RBFOX1: variants seen among roughly 807,000 people sequenced by gnomAD.
RBFOX1 encodes the protein RNA binding protein fox-1 homolog 1.
Under a neutral mutation model 57.7 loss-of-function variants are expected in RBFOX1, and 8 were observed. That is an observed-to-expected ratio of 0.14 (90% CI 0.08 to 0.25). The LOEUF is 0.25. Among genes scored for constraint, RBFOX1 ranks in the 10% least tolerant of loss-of-function variants. The probability of loss-of-function intolerance (pLI) is 1.00; values close to 1 mark genes in which losing one functional copy is unlikely to be tolerated. For synonymous variants in RBFOX1, 326 were observed against 222.4 expected, an observed-to-expected ratio of 1.47 and a Z score of -4.15; for missense variants, 611 against 548.5, an observed-to-expected ratio of 1.11 and a Z score of -1.14.
At chr16:6,867,625 A>C (rs1326739420) in intron 3 of RBFOX1, among the ~76,000 whole-genome samples, 1 of 152,148 alleles carries the variant, frequency 6.6e-6, no homozygotes, top group Admixed American at 6.5e-5. Context: ...AGGCTCAGGC[A>C]GCAGGATCGC....
intron 2 of RBFOX1, among the ~76,000 whole-genome samples, chr16:5,517,932 G>T (rs1051258314): frequency 2.8e-5 from 4 of 143,256 alleles, no homozygotes; most frequent in African/African-American, 1.0e-4. Context: ...AAAAGCTACT[G>T]TGTGTGTGTG....
At chr16:5,566,614 G>A (rs2046079140) in intron 2 of RBFOX1, among the ~76,000 whole-genome samples, 1 of 150,328 alleles carries the variant, frequency 6.7e-6, no homozygotes, top group African/African-American at 2.5e-5. Context: ...GTGTATATAT[G>A]TATATGTATG....
chr16:6,277,331 T>C (rs1006650295), intron 1 of RBFOX1, among the ~76,000 whole-genome samples: 4 of 151,014 alleles, frequency 2.6e-5, no homozygotes, highest in African/African-American at 9.8e-5. Context: ...TGTGATGGTG[T>C]GGTTCTGTAG....
intron 4 of RBFOX1, among the ~76,000 whole-genome samples, chr16:7,199,592 A>G (rs550046450): frequency 5.3e-5 from 8 of 152,140 alleles, no homozygotes; most frequent in Non-Finnish European, 1.5e-5. Flanking sequence ...CAGGGCTGGG[A>G]TGAAATTAGA....
chr16:7,307,215 C>T (rs1189700517), intron 4 of RBFOX1, among the ~76,000 whole-genome samples: 2 of 152,186 alleles, frequency 1.3e-5, no homozygotes, highest in African/African-American at 2.4e-5. Context: ...ATCGAGTCTT[C>T]CCTGAAGTAT....
At chr16:5,898,757 T>A (rs563609792) in intron 4 of RBFOX1, among the ~76,000 whole-genome samples, 1 of 151,860 alleles carries the variant, frequency 6.6e-6, no homozygotes, top group Non-Finnish European at 1.5e-5. Flanking sequence ...TCTCATTAAT[T>A]CATATAAAAA....
chr16:6,958,511 T>A (rs1568083588), intron 3 of RBFOX1, among the ~76,000 whole-genome samples: 1 of 152,186 alleles, frequency 6.6e-6, no homozygotes, highest in Non-Finnish European at 1.5e-5. Context: ...GTCTGTTGAC[T>A]TATTCAATAA....
At chr16:7,664,849 C>T (rs2068763742) in intron 12 of RBFOX1, 80 bp from the exon 13 acceptor site, 4 of 1,612,108 alleles carry the variant, frequency 2.5e-6, no homozygotes, top group African/African-American at 2.7e-5. Flanking sequence ...CCAGACTAAC[C>T]TCGCCAGTGC....
intron 1 of RBFOX1, among the ~76,000 whole-genome samples, chr16:6,199,128 A>G (rs2097199283): frequency 6.6e-6 from 1 of 152,204 alleles, no homozygotes; most frequent in African/African-American, 2.4e-5. Context: ...AATATTTAAT[A>G]TAAATGAAAA....
chr16:5,889,014 G>A (rs897586002), intron 4 of RBFOX1, among the ~76,000 whole-genome samples: 1 of 151,834 alleles, frequency 6.6e-6, no homozygotes, highest in Non-Finnish European at 1.5e-5. Context: ...TCAAGATTTG[G>A]CCAAATAATA....
At chr16:6,939,855 C>A (rs181843174) in intron 3 of RBFOX1, among the ~76,000 whole-genome samples, 1 of 152,158 alleles carries the variant, frequency 6.6e-6, no homozygotes, top group East Asian at 1.9e-4. Context: ...GTGGAAGATA[C>A]ATGTCAAGGC....
chr16:7,244,247 C>CAAA lies in RBFOX1; in HGVS notation c.27+192171_27+192173dup, dbSNP rs60054791. Among the ~76,000 whole-genome samples the CAAA allele has an allele frequency of 3.3e-3, 329 of 99,068 alleles. 1 individual carries two copies. Among genetic ancestry groups the CAAA allele is most frequent in the African/African-American group, 8.8e-3 (258 of 29,364 alleles). 65.0% of individuals were successfully genotyped at this position (99,068 alleles called of 152,430 possible). The stretch of plus-strand genomic sequence containing the variant: ...GTTCTAGGAAAATGCCAAAGTATTC[C>CAAA]AAAAAAAAAAAAAAAAAAAAAAAAC... On this transcript the variant is annotated intron_variant, in intron 4 of 15. Coordinates refer to ENST00000550418, the MANE Select transcript of RBFOX1 (RefSeq NM_018723.4).
chr16:7,316,059 C>G (rs887970540), intron 4 of RBFOX1, among the ~76,000 whole-genome samples: 1 of 152,184 alleles, frequency 6.6e-6, no homozygotes, highest in South Asian at 2.1e-4. Flanking sequence ...ATAGTTCTTC[C>G]TGGCTTTGTG....
intron 1 of RBFOX1, among the ~76,000 whole-genome samples, chr16:6,121,001 T>C (rs574304771): frequency 1.3e-5 from 2 of 152,362 alleles, no homozygotes; most frequent in South Asian, 2.1e-4. Context: ...CACTTGATCT[T>C]ACATGAATGC....
rs568694579 is a variant in RBFOX1, at chr16:6,290,202, C to A, written c.-126-26793C>A. Among the ~76,000 whole-genome samples, 332 of 125,760 alleles carry A rather than the reference C, an allele frequency of 2.6e-3. 26 individuals are homozygous for A. The highest frequency in any genetic ancestry group is 7.9e-3 in the African/African-American group (291 of 36,960). 82.5% of individuals were successfully genotyped at this position (125,760 alleles called of 152,430 possible). A position where few individuals can be genotyped will look rare whatever the true frequency, so the allele number is the denominator to read the frequency against. ...CATTAGTTACTTGTATAATAAGCAC[C>A]AAAATAGATTGTTGTGAGCATAGCA... On this transcript the variant is annotated intron_variant, in intron 1 of 15. Transcript: ENST00000550418.
chr16:6,969,238 T>G (rs562590146), intron 3 of RBFOX1, among the ~76,000 whole-genome samples: 2 of 152,302 alleles, frequency 1.3e-5, no homozygotes, highest in South Asian at 4.1e-4. Flanking sequence ...GATAATGAAG[T>G]TCTTGGGAAG....
At chr16:5,779,525 A>G in intron 3 of RBFOX1, among the ~76,000 whole-genome samples, 1 of 152,208 alleles carries the variant, frequency 6.6e-6, no homozygotes, top group East Asian at 1.9e-4. Flanking sequence ...TATTGAAACT[A>G]CAGAATCAAA....
At chr16:7,546,013 A>AC (rs2084379619) in intron 5 of RBFOX1, among the ~76,000 whole-genome samples, 3 of 54,272 alleles carry the variant, frequency 5.5e-5, no homozygotes, top group Non-Finnish European at 1.1e-4. Flanking sequence ...CTCTGAGCTT[A>AC]TAAAAAAAAA....
At chr16:6,654,575 ACTTTC>A (rs1210208484) in intron 2 of RBFOX1, 23 bp from the exon 3 acceptor site, 2 of 1,493,338 alleles carry the variant, frequency 1.3e-6, no homozygotes, top group African/African-American at 1.4e-5. Flanking sequence ...TCTTTCTCTC[ACTTTC>A]CTTTCTTTTC....
Sources: allele counts gnomAD v4.1 joint callset (sites outside exome capture counted in the v4.1 genomes callset), GRCh38; gene constraint gnomAD v4.1.1; transcripts MANE v1.5; gene names NCBI Gene and HGNC (gene_info 2026-07-23, HGNC 2026-07-21).